Variants in GLIS3 observed in about 807,000 individuals in gnomAD.
GLIS3 encodes the protein zinc finger protein GLIS3.
GLIS3 carries 53 observed loss-of-function variants against 78.6 expected under a neutral mutation model. That is an observed-to-expected ratio of 0.67 (90% CI 0.54 to 0.85). The LOEUF is 0.85. Among genes scored for constraint, GLIS3 ranks in the 40% least tolerant of loss-of-function variants. GLIS3 has a pLI of 0.00. For missense variants in GLIS3, 1,703 were observed against 1,231.1 expected (o/e 1.38, Z -5.74); for synonymous variants, 684 against 509.9 (o/e 1.34, Z -4.60).
At chr9:3,897,699 C>G (rs1394379997) in intron 7 of GLIS3, among the ~76,000 whole-genome samples, 2 of 152,204 alleles carry the variant, frequency 1.3e-5, no homozygotes, top group Non-Finnish European at 2.9e-5. Context: ...TTGCTTACTG[C>G]CCTTTCTCTC....
At chr9:4,222,071 T>A (rs1821374357) in intron 2 of GLIS3, among the ~76,000 whole-genome samples, 1 of 152,178 alleles carries the variant, frequency 6.6e-6, no homozygotes, top group African/African-American at 2.4e-5. Flanking sequence ...CATCCAGATT[T>A]ATCTGGTTTT....
At chr9:4,265,686 T>A (rs1225106525) in intron 2 of GLIS3, among the ~76,000 whole-genome samples, 1 of 152,200 alleles carries the variant, frequency 6.6e-6, no homozygotes, top group African/African-American at 2.4e-5. Context: ...CATAGACTAA[T>A]GCAGAAGCAT....
At chr9:4,453,345 C>CCAA in the GLIS3 span, among the ~76,000 whole-genome samples, 1 of 91,650 alleles carries the variant, frequency 1.1e-5, no homozygotes, top group Non-Finnish European at 2.2e-5. Context: ...TTCTGCACAG[C>CCAA]AAAAAAAAAA....
intron 4 of GLIS3, chr9:4,305,232 A>T (rs1362583447): frequency 2.0e-5 from 3 of 152,156 alleles, no homozygotes; most frequent in African/African-American, 7.2e-5. Flanking sequence ...CTTCCACCAG[A>T]CATGTATTTG....
intron 6 of GLIS3, among the ~76,000 whole-genome samples, chr9:3,907,256 T>G (rs1465463000): frequency 1.3e-5 from 2 of 152,104 alleles, no homozygotes; most frequent in African/African-American, 2.4e-5. Context: ...CTTTTAAAAC[T>G]CCACAGCAGC....
intron 2 of GLIS3, among the ~76,000 whole-genome samples, chr9:4,183,462 T>A (rs1489985385): frequency 6.6e-6 from 1 of 152,160 alleles, no homozygotes; most frequent in African/African-American, 2.4e-5. Context: ...ATTAACTTAA[T>A]CTAGCTTAAA....
intron 4 of GLIS3, among the ~76,000 whole-genome samples, chr9:4,110,486 C>A (rs931892804): frequency 2.6e-5 from 4 of 152,044 alleles, no homozygotes; most frequent in Admixed American, 1.3e-4. Flanking sequence ...AACCTGTGGC[C>A]CAAGAAAAGG....
chr9:4,133,535 A>C (rs1165228765), intron 2 of GLIS3, among the ~76,000 whole-genome samples: 1 of 152,158 alleles, frequency 6.6e-6, no homozygotes, highest in Non-Finnish European at 1.5e-5. Flanking sequence ...ATAGATTTCC[A>C]TCCTGGCTCC....
At chr9:4,473,910 T>C in the GLIS3 span, among the ~76,000 whole-genome samples, 11 of 152,178 alleles carry the variant, frequency 7.2e-5, no homozygotes, top group African/African-American at 2.6e-4. Flanking sequence ...CTGCAAAATA[T>C]TATTTAAAAA....
At chr9:4,236,225 GA>G (rs974934142) in intron 2 of GLIS3, among the ~76,000 whole-genome samples, 1 of 103,862 alleles carries the variant, frequency 9.6e-6, no homozygotes, top group East Asian at 3.4e-4. Context: ...AGAAAGAAAG[GA>G]AAAAAAAGAA....
chr9:4,255,583 G>A (rs1824849561), intron 2 of GLIS3, among the ~76,000 whole-genome samples: 1 of 152,104 alleles, frequency 6.6e-6, no homozygotes, highest in South Asian at 2.1e-4. Context: ...AAACTTAAAT[G>A]CATATTACTA....
intron 2 of GLIS3, among the ~76,000 whole-genome samples, chr9:4,331,836 G>C (rs1817688723): frequency 6.6e-6 from 1 of 152,082 alleles, no homozygotes; most frequent in Admixed American, 6.5e-5. Flanking sequence ...CAGACAGAGA[G>C]AACACATGAA....
Position 3,852,402 on chromosome 9 carries a change from T to A in GLIS3, c.2473+3607A>T, listed in dbSNP as rs551063435. Among the ~76,000 whole-genome samples the A allele has an allele frequency of 6.6e-5, 10 of 152,286 alleles. No individual in the cohort carries two copies. In the South Asian group the frequency reaches 1.9e-3, roughly 28 times the overall value. ...ACAAACACTCACTTGAGCTATTGCA[T>A]TAGCAACCCTGACACTGCTTTGGGC... On this transcript the variant is annotated intron_variant, in intron 9 of 10. Transcript: ENST00000381971.
At chr9:3,966,924 A>T (rs995657407) in intron 4 of GLIS3, among the ~76,000 whole-genome samples, 1 of 150,880 alleles carries the variant, frequency 6.6e-6, no homozygotes, top group Non-Finnish European at 1.5e-5. Flanking sequence ...CCAGTTTTAG[A>T]ACATTCTCAT....
At chr9:3,829,544 C>G in intron 9 of GLIS3, 52 bp from the exon 10 acceptor site, 1 of 1,594,414 alleles carries the variant, frequency 6.3e-7, no homozygotes, top group South Asian at 1.1e-5. Context: ...ACAAGTTCCA[C>G]AGATCATTCC....
the GLIS3 span, among the ~76,000 whole-genome samples, chr9:4,411,147 C>A: frequency 2.0e-5 from 3 of 152,134 alleles, no homozygotes; most frequent in South Asian, 2.1e-4. Context: ...CTCACAATGT[C>A]CTCTTGAATT....
chr9:4,145,655 T>A (rs116299578), intron 2 of GLIS3, among the ~76,000 whole-genome samples: 6,533 of 152,068 alleles, frequency 0.043, 466 homozygotes, highest in African/African-American at 0.15. Context: ...ATCAGTGCCC[T>A]CTGTCAGAGG....
intron 2 of GLIS3, among the ~76,000 whole-genome samples, chr9:4,211,715 T>C (rs1435915711): frequency 1.3e-5 from 2 of 152,220 alleles, no homozygotes; most frequent in African/African-American, 4.8e-5. Flanking sequence ...AAGACTTGTA[T>C]GTGAATGTTC....
chr9:4,204,202 T>G (rs1819648690), intron 2 of GLIS3, among the ~76,000 whole-genome samples: 1 of 152,140 alleles, frequency 6.6e-6, no homozygotes, highest in African/African-American at 2.4e-5. Context: ...AGAAAACAGG[T>G]GCACAATTTT....
Sources: allele counts gnomAD v4.1 joint callset (sites outside exome capture counted in the v4.1 genomes callset), GRCh38; gene constraint gnomAD v4.1.1; transcripts MANE v1.5; gene names NCBI Gene and HGNC (gene_info 2026-07-23, HGNC 2026-07-21).